INO80D: variants seen among roughly 807,000 people sequenced by gnomAD.
The protein encoded by INO80D is INO80 complex subunit D.
In INO80D, 21 loss-of-function variants were observed where a neutral mutation model predicts 87.6. That is an observed-to-expected ratio of 0.24 (90% CI 0.17 to 0.35). INO80D has a LOEUF of 0.35. INO80D is among the 10% of genes least tolerant of loss of function. The pLI, the probability that INO80D is intolerant of heterozygous loss-of-function variation, is 1.00. For missense variants in INO80D, 982 were observed against 1,280.7 expected (o/e 0.77, Z 3.56); for synonymous variants, 440 against 491.0 (o/e 0.90, Z 1.37).
At chr2:206,071,512 T>C (rs1170291612) in intron 1 of INO80D, among the ~76,000 whole-genome samples, 1 of 137,660 alleles carries the variant, frequency 7.3e-6, no homozygotes, top group East Asian at 2.1e-4. Context: ...GGGGTATCAA[T>C]TATTGGCATA....
intron 4 of INO80D, among the ~76,000 whole-genome samples, chr2:206,047,856 A>G (rs193207736): frequency 0.012 from 1,653 of 139,478 alleles, 22 homozygotes; most frequent in Non-Finnish European, 0.018. Flanking sequence ...ATTTCTTTCA[A>G]TTTTTTTTTT....
intron 1 of INO80D, among the ~76,000 whole-genome samples, chr2:206,064,878 G>GA (rs34723447): frequency 2.4e-4 from 36 of 151,262 alleles, no homozygotes; most frequent in Non-Finnish European, 3.5e-4. Flanking sequence ...CTTCTGGAGG[G>GA]AAAAAAAATC....
intron 6 of INO80D, among the ~76,000 whole-genome samples, chr2:206,020,698 TA>T (rs554971846): frequency 2.0e-4 from 31 of 152,232 alleles, no homozygotes; most frequent in Admixed American, 1.8e-3. Flanking sequence ...CATGGATCCA[TA>T]AAAAAATGAA....
At chr2:206,044,187 G>A (rs1042824095) in intron 5 of INO80D, among the ~76,000 whole-genome samples, 34 of 152,020 alleles carry the variant, frequency 2.2e-4, no homozygotes, top group African/African-American at 7.5e-4. Flanking sequence ...CAAGACTCTC[G>A]TCTCAAAGAA....
At position 206,062,740 on chromosome 2, in the gene INO80D, A is replaced by T; in HGVS notation, c.218+59T>A. 7.1e-7 allele frequency: 1 copy of T among 1,413,888 alleles called. No individual in the cohort carries two copies. The highest frequency in any genetic ancestry group is 9.6e-7 in the Non-Finnish European group (1 of 1,039,708). The allele number at this position is 1,413,888 out of a possible 1,614,324, so 87.6% of individuals were successfully genotyped here. ...AGAAAAGAGAAGAAAAAACAAGAAAAGAAAAAATTCCAAGCCTGTTAATGA... is the reference window on the plus strand; with the variant it reads ...AGAAAAGAGAAGAAAAAACAAGAAATGAAAAAATTCCAAGCCTGTTAATGA... On this transcript the variant is annotated intron_variant, in intron 3 of 10. Coordinates refer to ENST00000403263, the MANE Select transcript of INO80D (RefSeq NM_017759.5). This position sits in a 1 kb window ranked among gnomAD's most constrained non-coding sequence, Gnocchi z 4.6.
Position 206,057,523 on chromosome 2 carries a change from A to T in INO80D, c.219-580T>A, listed in dbSNP as rs535350827. Among the ~76,000 whole-genome samples the T allele has an allele frequency of 2.6e-5, 4 of 152,312 alleles. No individual in the cohort carries two copies. In the South Asian group the frequency reaches 8.3e-4, roughly 32 times the overall value. On this transcript the variant is annotated intron_variant, in intron 3 of 10. Transcript: ENST00000403263. ...TTTTTCAATAGCCAGATGTAAGTAC[A>T]TGAATTATCTCCTGTAGTACCTACC...
chr2:206,063,299 A>G (rs1689734151), intron 1 of INO80D, 55 bp from the exon 2 acceptor site: 2 of 520,658 alleles, frequency 3.8e-6, no homozygotes, highest in East Asian at 3.4e-5. Flanking sequence ...AAGCTAGCTC[A>G]CCCAGGAAGC....
intron 6 of INO80D, among the ~76,000 whole-genome samples, chr2:206,023,165 C>T (rs1255998520): frequency 6.6e-6 from 1 of 152,014 alleles, no homozygotes; most frequent in African/African-American, 2.4e-5. Context: ...AGCGCCATTG[C>T]ACTCCAGCCT....
At chr2:206,069,623 G>A (rs1292064965) in intron 1 of INO80D, among the ~76,000 whole-genome samples, 1 of 152,084 alleles carries the variant, frequency 6.6e-6, no homozygotes, top group African/African-American at 2.4e-5. Context: ...AGTTGTTCAA[G>A]GGTCAACTGT....
At chr2:206,060,195 AC>A (rs1397068560) in intron 3 of INO80D, among the ~76,000 whole-genome samples, 2 of 151,742 alleles carry the variant, frequency 1.3e-5, no homozygotes, top group East Asian at 3.9e-4. Context: ...GCAGAATGAG[AC>A]CCCATCTCAA....
chr2:206,006,918 A>G (rs1182989925), intron 10 of INO80D, among the ~76,000 whole-genome samples: 3 of 152,046 alleles, frequency 2.0e-5, no homozygotes, highest in Non-Finnish European at 2.9e-5. Flanking sequence ...GTGGTGGCAC[A>G]TGCCTGAAAT....
Position 206,015,800 on chromosome 2 carries a change from T to G in INO80D, c.1542+1880A>C, listed in dbSNP as rs4398254. On this transcript the variant is annotated intron_variant, in intron 8 of 10. Transcript: ENST00000403263. ...TACTTGGGAGGCTGAGGCACAAGAA[T>G]TGCTTAAACCTTGAAAGCAGAGGTT... is the stretch of plus-strand genomic sequence containing the variant. Among the ~76,000 whole-genome samples the G allele has an allele frequency of 2.0e-3, 308 of 152,260 alleles. 5 individuals carry two copies. Among genetic ancestry groups the G allele is most frequent in the Admixed American group, 0.018 (271 of 15,296 alleles).
chr2:206,059,070 A>T (rs1426290205), intron 3 of INO80D, among the ~76,000 whole-genome samples: 2 of 151,756 alleles, frequency 1.3e-5, no homozygotes. Flanking sequence ...GTTAAAAAAA[A>T]AAAAAAAAAA....
chr2:206,085,304 A>C lies in INO80D; in HGVS notation c.-124+597T>G, dbSNP rs1238484532. On this transcript the variant is annotated intron_variant, in intron 1 of 10. Transcript: ENST00000403263. The surrounding 1 kb of genome is among the most constrained non-coding windows in gnomAD (Gnocchi z 4.5). ...CGGAGCGCGGAGGAGGGGGATAAAT[A>C]AATTCAACTCTTACCGGAATCTGGG... is the stretch of plus-strand genomic sequence containing the variant. Among the ~76,000 whole-genome samples, 1 of 150,246 alleles carries C rather than the reference A, an allele frequency of 6.7e-6. No individual in the cohort carries two copies. The highest frequency in any genetic ancestry group is 2.0e-4 in the East Asian group (1 of 4,926).
chr2:206,034,112 T>C (rs1367032764), intron 5 of INO80D, among the ~76,000 whole-genome samples: 1 of 151,976 alleles, frequency 6.6e-6, no homozygotes, highest in Non-Finnish European at 1.5e-5. Flanking sequence ...ATTTAAAAAT[T>C]ACCAACAAAA....
chr2:206,010,285 A>G (rs573216836), intron 8 of INO80D, among the ~76,000 whole-genome samples: 18 of 150,950 alleles, frequency 1.2e-4, no homozygotes, highest in African/African-American at 4.4e-4. Context: ...TTTTCCCTGT[A>G]AGGCAACAAC....
intron 6 of INO80D, among the ~76,000 whole-genome samples, chr2:206,027,630 G>GGAGT (rs1174719664): frequency 6.6e-6 from 1 of 152,114 alleles, no homozygotes; most frequent in Non-Finnish European, 1.5e-5. Flanking sequence ...TTTGAGCCCA[G>GGAGT]GAGTTTGAGG....
At chr2:206,049,363 A>G (rs1689285472) in intron 4 of INO80D, among the ~76,000 whole-genome samples, 1 of 152,206 alleles carries the variant, frequency 6.6e-6, no homozygotes, top group Non-Finnish European at 1.5e-5. Flanking sequence ...TAAAAAAGCA[A>G]TTAAATGATC....
intron 3 of INO80D, among the ~76,000 whole-genome samples, chr2:206,060,583 G>A (rs1330727613): frequency 3.4e-5 from 5 of 147,422 alleles, no homozygotes; most frequent in African/African-American, 1.2e-4. Context: ...TTTTTGAGAC[G>A]GAGTTTCGCT....
Sources: allele counts gnomAD v4.1 joint callset (sites outside exome capture counted in the v4.1 genomes callset), GRCh38; gene constraint gnomAD v4.1.1; non-coding constraint Gnocchi (gnomAD v3.1); transcripts MANE v1.5; gene names NCBI Gene and HGNC (gene_info 2026-07-23, HGNC 2026-07-21).